Variants in TMEM207 observed in about 807,000 individuals in gnomAD.
TMEM207 encodes the protein SRSR846.
TMEM207 carries 15 observed loss-of-function variants against 17.4 expected under a neutral mutation model. That is an observed-to-expected ratio of 0.86 (90% CI 0.58 to 1.33). The LOEUF is 1.33. TMEM207 is among the 40% of genes most tolerant of loss of function. The pLI is 0.00. For synonymous variants in TMEM207, 70 were observed against 65.6 expected (o/e 1.07, Z -0.33); for missense variants, 205 against 173.8 (o/e 1.18, Z -1.01).
chr3:190,440,094 C>A, intron 4 of TMEM207, 150 bp downstream of exon 4: 1 of 871,458 alleles, frequency 1.1e-6, no homozygotes, highest in Non-Finnish European at 1.7e-6. Flanking sequence ...AATTTTCTCC[C>A]TTAAACTCTC....
At chr3:190,429,802 T>A (rs1014396036) in intron 4 of TMEM207, 71 bp from the exon 5 acceptor site, 1 of 1,445,578 alleles carries the variant, frequency 6.9e-7, no homozygotes, top group East Asian at 2.5e-5. Flanking sequence ...AACTGCCCGA[T>A]AAAATCTGGC....
At chr3:190,431,136 C>T (rs111695167) in intron 4 of TMEM207, among the ~76,000 whole-genome samples, 1 of 152,020 alleles carries the variant, frequency 6.6e-6, no homozygotes, top group African/African-American at 2.4e-5. Flanking sequence ...TATGTCTCAC[C>T]TTCTGGTTTA....
At chr3:190,441,548 A>G (rs1250464142) in intron 2 of TMEM207, 66 bp from the exon 3 acceptor site, 4 of 1,331,816 alleles carry the variant, frequency 3.0e-6, no homozygotes, top group Non-Finnish European at 4.3e-6. Flanking sequence ...CTTTCACCCA[A>G]TAAAATTGGT....
chr3:190,439,740 G>A (rs1001918249), intron 4 of TMEM207, among the ~76,000 whole-genome samples: 18 of 152,110 alleles, frequency 1.2e-4, no homozygotes, highest in Non-Finnish European at 2.2e-4. Context: ...GAGATGAAAG[G>A]GCATGAAAAT....
chr3:190,438,414 C>A (rs1370464833), intron 4 of TMEM207, among the ~76,000 whole-genome samples: 1 of 151,838 alleles, frequency 6.6e-6, no homozygotes, highest in Non-Finnish European at 1.5e-5. Flanking sequence ...CAGCCTTGAC[C>A]CTTCCTTCAC....
intron 4 of TMEM207, among the ~76,000 whole-genome samples, chr3:190,439,113 C>A (rs1268755273): frequency 7.0e-6 from 1 of 142,644 alleles, no homozygotes. Context: ...GGAGGGGGAG[C>A]TTGCAGTGAG....
intron 1 of TMEM207, among the ~76,000 whole-genome samples, 197 bp downstream of exon 1, chr3:190,449,538 G>A (rs1204880997): frequency 2.6e-5 from 4 of 152,158 alleles, no homozygotes; most frequent in Admixed American, 6.5e-5. Flanking sequence ...GGAGAAATAA[G>A]ACTAATGCCT....
intron 2 of TMEM207, among the ~76,000 whole-genome samples, chr3:190,444,763 C>G (rs1245690306): frequency 6.6e-6 from 1 of 152,134 alleles, no homozygotes; most frequent in Non-Finnish European, 1.5e-5. Context: ...GAGAAAAATT[C>G]AAGCTATGAG....
At chr3:190,441,565 C>A in intron 2 of TMEM207, 83 bp from the exon 3 acceptor site, 1 of 1,109,754 alleles carries the variant, frequency 9.0e-7, no homozygotes, top group East Asian at 2.4e-5. Context: ...TGGTACTGAT[C>A]ACACTTGTTT....
At position 190,429,589 on chromosome 3, in the gene TMEM207, C is replaced by T. The variant is rs1719644777; in HGVS notation, c.*6G>A. ...AATACTTTAAATTGATAATCCACAC[C>T]TAAAATCAGGTTGTTTTTACAATTT... On this transcript the variant is annotated 3_prime_UTR_variant, in exon 5 of 5. Coordinates refer to ENST00000354905, the MANE Select transcript of TMEM207 (RefSeq NM_207316.3). 6.2e-7 allele frequency: 1 copy of T among 1,613,066 alleles called. No individual in the cohort carries two copies. Among genetic ancestry groups the T allele is most frequent in the Non-Finnish European group, 8.5e-7 (1 of 1,179,454 alleles).
chr3:190,435,675 C>G (rs142547095), intron 4 of TMEM207, among the ~76,000 whole-genome samples: 6 of 152,296 alleles, frequency 3.9e-5, no homozygotes, highest in African/African-American at 1.4e-4. Flanking sequence ...ATCCACACTT[C>G]AGGGGTATAG....
At chr3:190,441,510 T>C (rs372591386) in intron 2 of TMEM207, 28 bp from the exon 3 acceptor site, 3 of 1,591,984 alleles carry the variant, frequency 1.9e-6, no homozygotes, top group East Asian at 2.2e-5. Context: ...GCGTTAGTCC[T>C]GGAACTCAGG....
chr3:190,440,626 G>T (rs553939632), intron 3 of TMEM207, among the ~76,000 whole-genome samples: 10 of 152,286 alleles, frequency 6.6e-5, no homozygotes, highest in African/African-American at 2.4e-4. Context: ...TTTCTCCTTA[G>T]AAATTGGAGG....
Position 190,429,028 on chromosome 3 carries a change from T to A in TMEM207, c.*567A>T, listed in dbSNP as rs907474437. ...ATTTCTTCCTCTTCAGGTTGGGGCA[T>A]AAAACCTCTTGTTTTTGCTGAGACT... On this transcript the variant is annotated 3_prime_UTR_variant, in exon 5 of 5. Coordinates refer to ENST00000354905, the MANE Select transcript of TMEM207 (RefSeq NM_207316.3). 1 of 130,860 alleles carries A rather than the reference T, an allele frequency of 7.6e-6. No individual in the cohort carries two copies. Among genetic ancestry groups the A allele is most frequent in the African/African-American group, 3.8e-5 (1 of 26,116 alleles). 8.1% of individuals were successfully genotyped at this position (130,860 alleles called of 1,614,324 possible).
chr3:190,449,436 G>A (rs901713936), intron 1 of TMEM207, among the ~76,000 whole-genome samples: 1 of 152,282 alleles, frequency 6.6e-6, no homozygotes, highest in South Asian at 2.1e-4. Flanking sequence ...TGTGTCAATA[G>A]CATTTTGAAT....
At chr3:190,430,131 T>C (rs1364009318) in intron 4 of TMEM207, among the ~76,000 whole-genome samples, 1 of 152,204 alleles carries the variant, frequency 6.6e-6, no homozygotes. Context: ...ATTGTATTAT[T>C]TTACATGTAT....
At chr3:190,441,535 TTTC>T (rs1719938600) in intron 2 of TMEM207, 53 bp from the exon 3 acceptor site, 3 of 1,449,978 alleles carry the variant, frequency 2.1e-6, no homozygotes, top group African/African-American at 2.8e-5. Context: ...CCAAAGCCTA[TTTC>T]TTTCACCCAA....
chr3:190,446,552 A>G (rs1720055019), intron 2 of TMEM207, among the ~76,000 whole-genome samples: 1 of 152,000 alleles, frequency 6.6e-6, no homozygotes. Flanking sequence ...GAATAATGAT[A>G]ACCATTACAG....
intron 4 of TMEM207, among the ~76,000 whole-genome samples, chr3:190,433,013 C>T (rs931490105): frequency 8.5e-5 from 13 of 152,128 alleles, no homozygotes; most frequent in African/African-American, 3.1e-4. Context: ...GAACCCAGCT[C>T]CAATCCACAC....
Sources: allele counts gnomAD v4.1 joint callset (sites outside exome capture counted in the v4.1 genomes callset), GRCh38; gene constraint gnomAD v4.1.1; transcripts MANE v1.5; gene names NCBI Gene and HGNC (gene_info 2026-07-23, HGNC 2026-07-21).